ATAD3A: variants seen among roughly 807,000 people sequenced by gnomAD.
ATAD3A encodes ATPase family AAA domain containing 3A.
Under a neutral mutation model 73.8 loss-of-function variants are expected in ATAD3A, and 46 were observed. The ratio of observed to expected loss-of-function variants is 0.62; its 90% CI spans 0.49 to 0.80. The LOEUF (loss-of-function observed/expected upper bound fraction) is 0.80. Among genes scored for constraint, ATAD3A ranks in the 30% least tolerant of loss-of-function variants. The probability of loss-of-function intolerance (pLI) is 0.00; values close to 1 mark genes in which losing one functional copy is unlikely to be tolerated. For synonymous variants in ATAD3A, 319 were observed against 350.0 expected (o/e 0.91, Z 0.99); for missense variants, 705 against 838.0 (o/e 0.84, Z 1.96).
chr1:1,525,632 T>A, intron 12 of ATAD3A, among the ~76,000 whole-genome samples: 2 of 152,278 alleles, frequency 1.3e-5, no homozygotes, highest in Middle Eastern at 6.8e-3. Context: ...GCCAGGATGG[T>A]CTCGATCTCC....
intron 12 of ATAD3A, among the ~76,000 whole-genome samples, chr1:1,525,657 T>A (rs769674626): frequency 5.9e-5 from 9 of 152,196 alleles, no homozygotes; most frequent in Admixed American, 2.0e-4. Context: ...CTCGTGATCC[T>A]CCCGCCTTGG....
chr1:1,523,783 C>T lies in ATAD3A; in HGVS notation c.964-56C>T. On this transcript the variant is annotated intron_variant, in intron 9 of 15. Coordinates refer to ENST00000378756, the MANE Select transcript of ATAD3A (RefSeq NM_001170535.3). The surrounding 1 kb of genome is among the most constrained non-coding windows in gnomAD (Gnocchi z 5.1). ...CCCAGGCATTCCCGCAGCCCCTTCC[C>T]CTGAGGCTTCCATGGGTGCACAGTG... is the stretch of plus-strand genomic sequence containing the variant. 1 of 1,611,932 alleles carries T rather than the reference C, an allele frequency of 6.2e-7. No homozygotes were observed. Among genetic ancestry groups the T allele is most frequent in the Non-Finnish European group, 8.5e-7 (1 of 1,178,994 alleles).
chr1:1,512,716 G>C, intron 1 of ATAD3A: 1 of 1,220,888 alleles, frequency 8.2e-7, no homozygotes, highest in Non-Finnish European at 1.1e-6. Flanking sequence ...CGGAGGTGGC[G>C]CTCATAGGTT....
In ATAD3A at chr1:1,525,248, T is replaced by G; in HGVS notation, c.1223T>G (p.Leu408Arg). Residue 408 changes from leucine (L) to arginine (R), a missense_variant, in exon 12 of 16, where the codon CTC (leucine) becomes CGC (arginine). Coordinates refer to ENST00000378756, the MANE Select transcript of ATAD3A (RefSeq NM_001170535.3). ...WANTSRRGLLLFVDEADAFLR... is the reference protein window; with the variant it reads ...WANTSRRGLLRFVDEADAFLR... Reference sequence around the variant, plus strand: ...CTCCCTCTCGTTCACAGCCTCCTGCTCTTTGTGGATGAAGCGGACGCCTTC... The same window carrying G: ...CTCCCTCTCGTTCACAGCCTCCTGCGCTTTGTGGATGAAGCGGACGCCTTC... 1.2e-6 allele frequency: 2 copies of G among 1,613,908 alleles called. No individual in the cohort carries two copies. The highest frequency in any genetic ancestry group is 1.7e-6 in the Non-Finnish European group (2 of 1,179,962).
chr1:1,529,160 GC>G lies in ATAD3A; in HGVS notation c.1506-61del, dbSNP rs1249147965. Reference sequence around the variant, plus strand: ...TGTCGGCCTCGCTGCCTGTCTTCCGGCCTCCACCTCGTGTTGTGGGAGCTGC... The same window carrying G: ...TGTCGGCCTCGCTGCCTGTCTTCCGGCTCCACCTCGTGTTGTGGGAGCTGC... On this transcript the variant is annotated intron_variant, in intron 14 of 15. Transcript: ENST00000378756. The G allele has an allele frequency of 1.7e-5, 27 of 1,587,952 alleles. No individual in the cohort carries two copies. The African/African-American group carries it at 3.1e-4, about 18-fold the overall frequency.
At position 1,525,302 on chromosome 1, in the gene ATAD3A, C is replaced by G. The variant is rs745613030; in HGVS notation, c.1266+11C>G. The stretch of plus-strand genomic sequence containing the variant: ...CGGAAGCGAGCCACCGTGAGTGTCA[C>G]TAAGCCTCTGGCCACAATGGGGTGG... On this transcript the variant is annotated intron_variant, in intron 12 of 15. Transcript: ENST00000378756. 7 of 1,612,600 alleles carry G rather than the reference C, an allele frequency of 4.3e-6. No homozygotes were observed. In the Admixed American group the frequency reaches 5.0e-5, roughly 12 times the overall value.
At chr1:1,514,296 G>C (rs1334869080) in intron 1 of ATAD3A, among the ~76,000 whole-genome samples, 3 of 151,972 alleles carry the variant, frequency 2.0e-5, no homozygotes, top group African/African-American at 4.8e-5. Context: ...AACAGGCAGA[G>C]CTCCTCACCG....
chr1:1,523,915 A>G lies in ATAD3A; in HGVS notation c.1040A>G (p.Asn347Ser). 1 of 1,614,050 alleles carries G rather than the reference A, an allele frequency of 6.2e-7. No individual in the cohort carries two copies. Among genetic ancestry groups the G allele is most frequent in the Non-Finnish European group, 8.5e-7 (1 of 1,180,004 alleles). The change falls in exon 10 of 16, where the codon AAC becomes AGC. Residue 347 changes from asparagine to serine, a missense_variant. Asn to Ser is a conservative substitution (Grantham distance 46). Coordinates refer to ENST00000378756, the MANE Select transcript of ATAD3A (RefSeq NM_001170535.3). This position sits in a 1 kb window ranked among gnomAD's most constrained non-coding sequence, Gnocchi z 5.1. ...NTKKNRSLYR[N>S]ILMYGPPGTG... is the part of the protein sequence containing the mutation. ...AAGAAGAACCGCAGCCTGTACAGGA[A>G]CATCCTGATGTACGGGCCACCAGGC...
In ATAD3A at chr1:1,520,500, G is replaced by C; in HGVS notation, c.681-48G>C. ...ACCCTCAACCTGCTCTCGCTGCGTGGCACGGATCTTCGTGTCCTTCCTGGT... is the reference window on the plus strand; with the variant it reads ...ACCCTCAACCTGCTCTCGCTGCGTGCCACGGATCTTCGTGTCCTTCCTGGT... On this transcript the variant is annotated intron_variant, in intron 6 of 15. Transcript: ENST00000378756. The surrounding 1 kb of genome is among the most constrained non-coding windows in gnomAD (Gnocchi z 4.0). 1 of 1,614,086 alleles carries C rather than the reference G, an allele frequency of 6.2e-7. No homozygotes were observed. Among genetic ancestry groups the C allele is most frequent in the Non-Finnish European group, 8.5e-7 (1 of 1,179,922 alleles).
chr1:1,522,537 G>A (rs1184281988), intron 7 of ATAD3A, among the ~76,000 whole-genome samples: 2 of 152,358 alleles, frequency 1.3e-5, no homozygotes, highest in East Asian at 3.9e-4. Context: ...ATGGCCCTGA[G>A]TGAGGGCGCT....
Position 1,525,222 on chromosome 1 carries a change from C to T in ATAD3A, c.1215-18C>T. 6.2e-7 allele frequency: 1 copy of T among 1,613,606 alleles called. No individual in the cohort carries two copies. The highest frequency in any genetic ancestry group is 1.1e-5 in the South Asian group (1 of 91,058). ...CTGGTGTCACTCTCGCCCTGCTTGG[C>T]CTCCCTCTCGTTCACAGCCTCCTGC... On this transcript the variant is annotated intron_variant, in intron 11 of 15. Transcript: ENST00000378756.
rs555822806 is a variant in ATAD3A, at chr1:1,534,125, C to T, written c.*53C>T. The T allele has an allele frequency of 1.9e-6, 3 of 1,612,528 alleles. No homozygotes were observed. Among genetic ancestry groups the T allele is most frequent in the Non-Finnish European group, 2.5e-6 (3 of 1,179,484 alleles). Reference sequence around the variant, plus strand: ...AGCCTGGCCGCGGACCCCTCCCACCCCTGCCTTGCCGGCCCCTGCACATTT... The same window carrying T: ...AGCCTGGCCGCGGACCCCTCCCACCTCTGCCTTGCCGGCCCCTGCACATTT... On this transcript the variant is annotated 3_prime_UTR_variant, in exon 16 of 16. Transcript: ENST00000378756.
chr1:1,518,605 A>G (rs1342370268), intron 4 of ATAD3A, among the ~76,000 whole-genome samples: 1 of 101,950 alleles, frequency 9.8e-6, no homozygotes, highest in Non-Finnish European at 1.8e-5. Context: ...GCACACACCC[A>G]CACACGGGCG....
rs117930150 is a variant in ATAD3A, at chr1:1,534,047, G to A, written c.1736G>A (p.Arg579His). ...MCWLKAEGPG[R>H]GDEPSPS Reference sequence around the variant, plus strand: ...TGGCTGAAGGCGGAAGGGCCTGGGCGTGGGGACGAGCCCTCCCCATCCTGA... The same window carrying A: ...TGGCTGAAGGCGGAAGGGCCTGGGCATGGGGACGAGCCCTCCCCATCCTGA... The change falls in exon 16 of 16, where the codon CGT becomes CAT. Residue 579 changes from arginine to histidine, a missense_variant. Arg to His is a conservative substitution (Grantham distance 29, BLOSUM62 0). This residue lies in a region of ATAD3A where 252 missense variants were observed against 278.5 expected (regional missense o/e 0.90). Coordinates refer to ENST00000378756, the MANE Select transcript of ATAD3A (RefSeq NM_001170535.3). The A allele has an allele frequency of 8.3e-4, 1,336 of 1,613,602 alleles. 5 individuals carry two copies. In the African/African-American group the frequency reaches 0.012, roughly 14 times the overall value.
In ATAD3A at chr1:1,514,206, G is replaced by T. The variant is rs1641285079; in HGVS notation, c.205+1733G>T. Among the ~76,000 whole-genome samples the T allele has an allele frequency of 2.6e-5, 4 of 152,126 alleles. No individual in the cohort carries two copies. The South Asian group carries it at 8.3e-4, about 32-fold the overall frequency. ...CCTCTCCTCCTCCCCAGAGTCACTG[G>T]GGGTAGGAACTGTCAATGAGCCATT... On this transcript the variant is annotated intron_variant, in intron 1 of 15. Coordinates refer to ENST00000378756, the MANE Select transcript of ATAD3A (RefSeq NM_001170535.3).
rs377058286 is a variant in ATAD3A at position 1,534,075 on chromosome 1, C to G, written c.*3C>G. On this transcript the variant is annotated 3_prime_UTR_variant, in exon 16 of 16. Coordinates refer to ENST00000378756, the MANE Select transcript of ATAD3A (RefSeq NM_001170535.3). ...GGGACGAGCCCTCCCCATCCTGAGT[C>G]CACAGGGAGATCCACAGCTCACGGA... The G allele has an allele frequency of 2.5e-4, 397 of 1,613,498 alleles. No individual in the cohort carries two copies. The highest frequency in any genetic ancestry group is 2.7e-4 in the Non-Finnish European group (313 of 1,179,840).
Position 1,520,717 on chromosome 1 carries a change from C to G in ATAD3A, c.750+100C>G, listed in dbSNP as rs184113604. On this transcript the variant is annotated intron_variant, in intron 7 of 15. Transcript: ENST00000378756. The surrounding 1 kb of genome is among the most constrained non-coding windows in gnomAD (Gnocchi z 4.0). Reference sequence around the variant, plus strand: ...CTGTCCCTGCCGGCTCTGCACAGCCCTGTAGCTCTCCCAGCAGGGAGGAAG... The same window carrying G: ...CTGTCCCTGCCGGCTCTGCACAGCCGTGTAGCTCTCCCAGCAGGGAGGAAG... 2.7e-3 allele frequency: 4,144 copies of G among 1,562,300 alleles called. 7 individuals carry two copies. Among genetic ancestry groups the G allele is most frequent in the Non-Finnish European group, 3.4e-3 (3,904 of 1,142,320 alleles).
At chr1:1,526,209 C>T (rs1224783817) in intron 12 of ATAD3A, among the ~76,000 whole-genome samples, 5 of 151,880 alleles carry the variant, frequency 3.3e-5, no homozygotes, top group African/African-American at 4.8e-5. Context: ...TTAGTAGAGA[C>T]GGGGTCTCAC....
chr1:1,522,680 G>A (rs770123483), intron 7 of ATAD3A, 64 bp from the exon 8 acceptor site: 207 of 1,598,970 alleles, frequency 1.3e-4, no homozygotes, highest in East Asian at 1.3e-4. Flanking sequence ...AGCCCCGTGC[G>A]TCTCCTGCTC....
Sources: gnomAD v4.1 joint callset for allele counts (sites outside exome capture counted in the v4.1 genomes callset) on GRCh38, gnomAD v4.1.1 for gene constraint, gnomAD v4.1.1 regional missense constraint, Gnocchi (gnomAD v3.1) non-coding constraint, MANE v1.5 for transcripts, NCBI Gene and HGNC (gene_info 2026-07-23, HGNC 2026-07-21) for gene names.